Variants in HPCAL1 observed in about 807,000 individuals in gnomAD.
HPCAL1 encodes hippocalcin like 1, also known as hippocalcin-like protein 1.
A neutral mutation model predicts 17.1 loss-of-function variants in HPCAL1; 8 were observed. The ratio of observed to expected loss-of-function variants is 0.47; its 90% confidence interval spans 0.27 to 0.84. HPCAL1 has a LOEUF of 0.84. Ranked by LOEUF, HPCAL1 falls within the 40% of genes least tolerant of loss-of-function variation. HPCAL1 has a pLI of 0.13. For synonymous variants in HPCAL1, 112 were observed against 111.4 expected (o/e 1.01, Z -0.03); for missense variants, 165 against 271.1 (o/e 0.61, Z 2.75).
At chr2:10,380,430 AGACCAGTCTGCTGG>A (rs1667865400) in intron 1 of HPCAL1, among the ~76,000 whole-genome samples, 1 of 152,134 alleles carries the variant, frequency 6.6e-6, no homozygotes, top group Non-Finnish European at 1.5e-5. Context: ...TTTTCCAGCC[AGACCAGTCTGCTGG>A]GACAAGCCTT....
intron 2 of HPCAL1, among the ~76,000 whole-genome samples, chr2:10,410,436 C>CTTTTTTTTTTTTTTTTTTTTTT (rs36002921): frequency 1.0e-4 from 8 of 77,524 alleles, no homozygotes; most frequent in Admixed American, 3.8e-4. Context: ...TCTTCTTCTT[C>CTTTTTTTTTTTTTTTTTTTTTT]TTTTTTTTTT....
rs1427975716 is a variant in HPCAL1 at position 10,359,195 on chromosome 2, G to C, written c.-110-37640G>C. Among the ~76,000 whole-genome samples the C allele has an allele frequency of 6.6e-6, 1 of 152,182 alleles. No homozygotes were observed. Among genetic ancestry groups the C allele is most frequent in the Non-Finnish European group, 1.5e-5 (1 of 68,034 alleles). Reference sequence around the variant, plus strand: ...CGTTTCACAGCCACAGTTTCCTGCTGTTTTCTGAAATTCCTGGTGGCCACT... The same window carrying C: ...CGTTTCACAGCCACAGTTTCCTGCTCTTTTCTGAAATTCCTGGTGGCCACT... On this transcript the variant is annotated intron_variant, in intron 1 of 4. Coordinates refer to ENST00000307845, the MANE Select transcript of HPCAL1 (RefSeq NM_002149.4). This position sits in a 1 kb window ranked among gnomAD's most constrained non-coding sequence, Gnocchi z 4.1.
intron 1 of HPCAL1, among the ~76,000 whole-genome samples, chr2:10,348,738 C>T (rs1019359374): frequency 6.6e-6 from 1 of 152,120 alleles, no homozygotes; most frequent in African/African-American, 2.4e-5. Context: ...CTGATCCCAC[C>T]ACTGCACTCC....
intron 1 of HPCAL1, among the ~76,000 whole-genome samples, chr2:10,381,793 A>C (rs1018263012): frequency 6.6e-6 from 1 of 152,248 alleles, no homozygotes; most frequent in Non-Finnish European, 1.5e-5. Context: ...ATGTGAAGCC[A>C]CAGGAAGCCT....
chr2:10,312,162 T>C (rs890930204), intron 1 of HPCAL1, among the ~76,000 whole-genome samples: 16 of 146,070 alleles, frequency 1.1e-4, no homozygotes, highest in Non-Finnish European at 2.0e-4. Context: ...TCATCATCAC[T>C]ATCATCCCCA....
chr2:10,392,279 G>A (rs184623111), intron 1 of HPCAL1, among the ~76,000 whole-genome samples: 105 of 152,110 alleles, frequency 6.9e-4, no homozygotes, highest in Non-Finnish European at 1.2e-3. Context: ...GGGCTCAAGC[G>A]ATCCTCCCAC....
At chr2:10,408,095 C>T (rs1572841263) in intron 2 of HPCAL1, among the ~76,000 whole-genome samples, 1 of 152,218 alleles carries the variant, frequency 6.6e-6, no homozygotes, top group South Asian at 2.1e-4. Context: ...CATTCCTCTT[C>T]CTGTCGCAGT....
chr2:10,330,821 TGTCA>T lies in HPCAL1; in HGVS notation c.-111+27647_-111+27650del, dbSNP rs1267565188. 3.9e-5 allele frequency among the ~76,000 whole-genome samples: 6 copies of T among 152,214 alleles called. No individual in the cohort carries two copies. Among genetic ancestry groups the T allele is most frequent in the African/African-American group, 1.4e-4 (6 of 41,462 alleles). On this transcript the variant is annotated intron_variant, in intron 1 of 4. Transcript: ENST00000307845. The surrounding 1 kb of genome is among the most constrained non-coding windows in gnomAD (Gnocchi z 4.2). ...CTTCCTGCCCACGGCAGGGGCTCTCTGTCAGTGTGTCTCCGACTGCGGACCCCGA... is the reference window on the plus strand; with the variant it reads ...CTTCCTGCCCACGGCAGGGGCTCTCTGTGTGTCTCCGACTGCGGACCCCGA...
intron 1 of HPCAL1, among the ~76,000 whole-genome samples, chr2:10,327,331 G>A (rs1175914964): frequency 4.6e-5 from 7 of 152,202 alleles, no homozygotes; most frequent in Non-Finnish European, 1.0e-4. Flanking sequence ...CTAGGTAGCT[G>A]TTATGGATGG....
chr2:10,368,075 CAT>C (rs201262955), intron 1 of HPCAL1, among the ~76,000 whole-genome samples: 2,226 of 151,772 alleles, frequency 0.015, 64 homozygotes, highest in African/African-American at 0.05. Context: ...TGTCCATACA[CAT>C]GTGTAGGTGT....
intron 2 of HPCAL1, among the ~76,000 whole-genome samples, chr2:10,410,433 C>CT (rs1375538450): frequency 2.1e-3 from 160 of 75,898 alleles, no homozygotes; most frequent in South Asian, 0.02. Context: ...TTTTCTTCTT[C>CT]TTCTTTTTTT....
Position 10,344,215 on chromosome 2 carries a change from G to A in HPCAL1, c.-111+41038G>A, listed in dbSNP as rs762401044. Among the ~76,000 whole-genome samples, 8 of 152,184 alleles carry A rather than the reference G, an allele frequency of 5.3e-5. No individual in the cohort carries two copies. The highest frequency in any genetic ancestry group is 1.2e-4 in the Non-Finnish European group (8 of 68,030). The stretch of plus-strand genomic sequence containing the variant: ...TCCTGGCTCAGAGGACCCTGGGGAC[G>A]TGGTCTTTGATGCTTGCTTTCCCCA... On this transcript the variant is annotated intron_variant, in intron 1 of 4. Coordinates refer to ENST00000307845, the MANE Select transcript of HPCAL1 (RefSeq NM_002149.4). The surrounding 1 kb of genome is among the most constrained non-coding windows in gnomAD (Gnocchi z 4.9).
At chr2:10,374,859 G>A (rs995112817) in intron 1 of HPCAL1, among the ~76,000 whole-genome samples, 11 of 152,244 alleles carry the variant, frequency 7.2e-5, no homozygotes, top group African/African-American at 2.2e-4. Context: ...TCCTCCACCA[G>A]AGTGGAGAAC....
chr2:10,319,616 G>A (rs564221040), intron 1 of HPCAL1, among the ~76,000 whole-genome samples: 1 of 151,650 alleles, frequency 6.6e-6, no homozygotes, highest in African/African-American at 2.4e-5. Flanking sequence ...CTAATACAGG[G>A]ACCCTGTGTT....
chr2:10,408,100 C>T (rs975919309), intron 2 of HPCAL1, among the ~76,000 whole-genome samples: 1 of 152,190 alleles, frequency 6.6e-6, no homozygotes, highest in African/African-American at 2.4e-5. Context: ...CTCTTCCTGT[C>T]GCAGTAGCAG....
chr2:10,397,459 C>T (rs1034317737), intron 2 of HPCAL1, among the ~76,000 whole-genome samples: 1 of 152,014 alleles, frequency 6.6e-6, no homozygotes, highest in African/African-American at 2.4e-5. Context: ...CCCCTCAGAG[C>T]AGTTACCGTA....
At chr2:10,381,609 A>G (rs1429916434) in intron 1 of HPCAL1, among the ~76,000 whole-genome samples, 2 of 117,362 alleles carry the variant, frequency 1.7e-5, no homozygotes, top group East Asian at 3.0e-4. Context: ...GCATCATGTC[A>G]TTTGGGATCC....
chr2:10,398,924 A>G (rs1242798505), intron 2 of HPCAL1, among the ~76,000 whole-genome samples: 2 of 152,036 alleles, frequency 1.3e-5, no homozygotes, highest in African/African-American at 4.8e-5. Flanking sequence ...CCACTCCTTC[A>G]TTCTCCATCC....
intron 1 of HPCAL1, among the ~76,000 whole-genome samples, chr2:10,352,927 C>T (rs1035121594): frequency 2.6e-5 from 4 of 152,150 alleles, no homozygotes; most frequent in Non-Finnish European, 4.4e-5. Context: ...AACTCAGAGC[C>T]GTTTGGATAC....
Sources: gnomAD v4.1 joint callset for allele counts (sites outside exome capture counted in the v4.1 genomes callset) on GRCh38, gnomAD v4.1.1 for gene constraint, Gnocchi (gnomAD v3.1) non-coding constraint, MANE v1.5 for transcripts, NCBI Gene and HGNC (gene_info 2026-07-23, HGNC 2026-07-21) for gene names.